Variants in GNG7 observed in about 807,000 individuals in gnomAD.
GNG7 encodes G protein subunit gamma 7.
GNG7 carries 1 observed loss-of-function variant against 4.0 expected under a neutral mutation model. That is an observed-to-expected ratio of 0.25 (90% CI 0.09 to 1.18). The LOEUF (loss-of-function observed/expected upper bound fraction) is 1.18. GNG7 is among the 50% of genes most tolerant of loss of function. The pLI, the probability that GNG7 is intolerant of heterozygous loss-of-function variation, is 0.50. For missense variants in GNG7, 86 were observed against 91.9 expected (o/e 0.94, Z 0.26); for synonymous variants, 34 against 36.9 (o/e 0.92, Z 0.29).
intron 1 of GNG7, among the ~76,000 whole-genome samples, chr19:2,649,305 A>G (rs1982747506): frequency 6.6e-6 from 1 of 151,910 alleles, no homozygotes; most frequent in Non-Finnish European, 1.5e-5. Flanking sequence ...CCTGCCAGCG[A>G]CACCGTACAC....
chr19:2,603,449 G>T (rs1007308644), intron 2 of GNG7, among the ~76,000 whole-genome samples: 1 of 152,234 alleles, frequency 6.6e-6, no homozygotes, highest in Middle Eastern at 3.2e-3. Flanking sequence ...TTCTCGCATC[G>T]GGTGGGACCG....
intron 1 of GNG7, among the ~76,000 whole-genome samples, chr19:2,670,886 G>A (rs60237639): frequency 0.31 from 46,639 of 151,950 alleles, 7,283 homozygotes; most frequent in East Asian, 0.38. Context: ...AAGAGACGGC[G>A]TCCCATGATC....
At chr19:2,661,231 G>GGAAAGAAAGAAAGAAAAGAAA (rs1983136901) in intron 1 of GNG7, among the ~76,000 whole-genome samples, 2 of 95,284 alleles carry the variant, frequency 2.1e-5, no homozygotes, top group Non-Finnish European at 4.4e-5. Flanking sequence ...AAAAAGAAAA[G>GGAAAGAAAGAAAGAAAAGAAA]GAAAGAAAGA....
At chr19:2,553,772 A>G (rs529766842) in intron 3 of GNG7, among the ~76,000 whole-genome samples, 12 of 147,680 alleles carry the variant, frequency 8.1e-5, no homozygotes, top group Admixed American at 3.4e-4. Context: ...TATTGCATGT[A>G]ATGTTATATC....
intron 1 of GNG7, among the ~76,000 whole-genome samples, chr19:2,695,843 G>A (rs1346633149): frequency 6.6e-6 from 1 of 152,112 alleles, no homozygotes; most frequent in African/African-American, 2.4e-5. Flanking sequence ...GCTCAAGAGG[G>A]AGCACTGAGA....
At chr19:2,560,340 C>A (rs922049019) in intron 2 of GNG7, among the ~76,000 whole-genome samples, 5 of 152,114 alleles carry the variant, frequency 3.3e-5, no homozygotes, top group African/African-American at 7.2e-5. Context: ...TCACCCCATC[C>A]CCCAGGTCTG....
Position 2,514,193 on chromosome 19 carries a change from A to C in GNG7, c.*829T>G, listed in dbSNP as rs1318338218. 1 of 137,144 alleles carries C rather than the reference A, an allele frequency of 7.3e-6. No homozygotes were observed. The highest frequency in any genetic ancestry group is 2.8e-5 in the African/African-American group (1 of 36,326). The allele number at this position is 137,144 out of a possible 1,614,324, so 8.5% of individuals were successfully genotyped here. A position where few individuals can be genotyped will look rare whatever the true frequency, so the allele number is the denominator to read the frequency against. ...GCCTGGGTAACAAGAATGAAACTCCATCTCAAAAAAAGAAAAAAAAAAAAA... is the reference window on the plus strand; with the variant it reads ...GCCTGGGTAACAAGAATGAAACTCCCTCTCAAAAAAAGAAAAAAAAAAAAA... On this transcript the variant is annotated 3_prime_UTR_variant, in exon 5 of 5. Coordinates refer to ENST00000382159, the MANE Select transcript of GNG7 (RefSeq NM_052847.3).
intron 2 of GNG7, among the ~76,000 whole-genome samples, chr19:2,607,578 A>G (rs970409487): frequency 5.1e-4 from 34 of 67,164 alleles, no homozygotes; most frequent in African/African-American, 1.2e-3. Flanking sequence ...AAAAAAAAAA[A>G]AGAAAGAAAG....
intron 3 of GNG7, among the ~76,000 whole-genome samples, chr19:2,536,009 C>T (rs1978722995): frequency 6.6e-6 from 1 of 152,098 alleles, no homozygotes; most frequent in Admixed American, 6.6e-5. Flanking sequence ...CCTATAGTCT[C>T]AGCTACTTGG....
chr19:2,548,121 G>C (rs1979187388), intron 3 of GNG7, among the ~76,000 whole-genome samples: 1 of 152,178 alleles, frequency 6.6e-6, no homozygotes, highest in African/African-American at 2.4e-5. Context: ...CAGGCCCAGG[G>C]AGCTTCTCCC....
rs975476540 is a variant in GNG7, at chr19:2,546,440, G to T, written c.-38+8709C>A. 6.6e-6 allele frequency among the ~76,000 whole-genome samples: 1 copy of T among 152,240 alleles called. No homozygotes were observed. The highest frequency in any genetic ancestry group is 1.5e-5 in the Non-Finnish European group (1 of 68,034). Reference sequence around the variant, plus strand: ...GGCCGTGGGGCCCAGGGCTGCGGGCGGGAGGGCCTCTGCCACATGGAAGGG... The same window carrying T: ...GGCCGTGGGGCCCAGGGCTGCGGGCTGGAGGGCCTCTGCCACATGGAAGGG... On this transcript the variant is annotated intron_variant, in intron 3 of 4. Coordinates refer to ENST00000382159, the MANE Select transcript of GNG7 (RefSeq NM_052847.3). The surrounding 1 kb of genome is among the most constrained non-coding windows in gnomAD (Gnocchi z 6.3).
chr19:2,517,585 A>G (rs181079542), intron 4 of GNG7, among the ~76,000 whole-genome samples: 2 of 152,034 alleles, frequency 1.3e-5, no homozygotes, highest in Admixed American at 6.6e-5. Flanking sequence ...GGCTGGTCTC[A>G]ATCTCCTGAC....
In GNG7 at chr19:2,633,164, G is replaced by A. The variant is rs1030379205; in HGVS notation, c.-78+13060C>T. Among the ~76,000 whole-genome samples the A allele has an allele frequency of 1.3e-5, 2 of 152,204 alleles. No homozygotes were observed. Among genetic ancestry groups the A allele is most frequent in the African/African-American group, 4.8e-5 (2 of 41,462 alleles). The stretch of plus-strand genomic sequence containing the variant: ...TGCTGGTTCACTAAAACGATGAAGC[G>A]GATGGGAGGAAAATTAGCATCCAAC... On this transcript the variant is annotated intron_variant, in intron 2 of 4. Transcript: ENST00000382159. This position sits in a 1 kb window ranked among gnomAD's most constrained non-coding sequence, Gnocchi z 5.9.
intron 3 of GNG7, among the ~76,000 whole-genome samples, chr19:2,549,281 A>G (rs1007011386): frequency 6.9e-6 from 1 of 145,234 alleles, no homozygotes; most frequent in Non-Finnish European, 1.5e-5. Context: ...CGGAGGGCTT[A>G]AACAGGGCTG....
intron 3 of GNG7, among the ~76,000 whole-genome samples, chr19:2,525,374 G>A (rs1440134983): frequency 6.6e-6 from 1 of 152,176 alleles, no homozygotes; most frequent in African/African-American, 2.4e-5. Flanking sequence ...GAAGAGGGAC[G>A]CCGCCCGGCC....
rs372993914 is a variant in GNG7 at position 2,557,195 on chromosome 19, A to G, written c.-77-2007T>C. 3.3e-5 allele frequency among the ~76,000 whole-genome samples: 5 copies of G among 151,758 alleles called. No homozygotes were observed. The East Asian group carries it at 5.8e-4, about 18-fold the overall frequency. ...ACACGTACACACAAGACACGTGCAC[A>G]CACATTTGCATGCACACACAGACAC... On this transcript the variant is annotated intron_variant, in intron 2 of 4. Transcript: ENST00000382159. The surrounding 1 kb of genome is among the most constrained non-coding windows in gnomAD (Gnocchi z 5.1).
At chr19:2,646,828 T>G (rs1982678884) in intron 1 of GNG7, among the ~76,000 whole-genome samples, 1 of 152,226 alleles carries the variant, frequency 6.6e-6, no homozygotes, top group Non-Finnish European at 1.5e-5. Flanking sequence ...TTTCTACGGC[T>G]CTTCACAGTT....
At chr19:2,603,295 G>C (rs1053420456) in intron 2 of GNG7, among the ~76,000 whole-genome samples, 2 of 152,176 alleles carry the variant, frequency 1.3e-5, no homozygotes, top group African/African-American at 4.8e-5. Context: ...TCGATCTCCT[G>C]ACCTCGTGAT....
intron 2 of GNG7, among the ~76,000 whole-genome samples, chr19:2,585,574 G>T (rs1980647140): frequency 6.6e-6 from 1 of 152,200 alleles, no homozygotes; most frequent in Admixed American, 6.5e-5. Context: ...GTTAGAAACA[G>T]GCAGCCTGGA....
Sources: allele counts gnomAD v4.1 joint callset (sites outside exome capture counted in the v4.1 genomes callset), GRCh38; gene constraint gnomAD v4.1.1; non-coding constraint Gnocchi (gnomAD v3.1); transcripts MANE v1.5; gene names NCBI Gene and HGNC (gene_info 2026-07-23, HGNC 2026-07-21).